The following PCSK6 variants were observed in gnomAD, a reference collection of about 807,000 sequenced individuals.
PCSK6 encodes the protein paired basic amino acid cleaving enzyme 4.
In PCSK6, 85 loss-of-function variants were observed where a neutral mutation model predicts 123.3. That is an observed-to-expected ratio of 0.69 (90% confidence interval 0.58 to 0.83). The LOEUF (loss-of-function observed/expected upper bound fraction) is 0.83. Ranked by LOEUF, PCSK6 falls within the 40% of genes least tolerant of loss-of-function variation. The pLI, the probability that PCSK6 is intolerant of heterozygous loss-of-function variation, is 0.00. For synonymous variants in PCSK6, 508 were observed against 516.0 expected (o/e 0.98, Z 0.21); for missense variants, 1,191 against 1,282.3 (o/e 0.93, Z 1.09).
At chr15:101,333,741 C>T (rs2040416090) in intron 13 of PCSK6, among the ~76,000 whole-genome samples, 1 of 150,686 alleles carries the variant, frequency 6.6e-6, no homozygotes, top group African/African-American at 2.4e-5. Flanking sequence ...AACAGGAGCT[C>T]CTGCTCATCC....
intron 13 of PCSK6, chr15:101,365,981 GA>G: frequency 2.3e-6 from 1 of 434,000 alleles, no homozygotes; most frequent in Admixed American, 4.3e-5. Flanking sequence ...TCTGGAATTA[GA>G]TAGTGCTGAC....
intron 11 of PCSK6, among the ~76,000 whole-genome samples, chr15:101,380,978 G>A (rs771469512): frequency 7.2e-5 from 11 of 152,116 alleles, no homozygotes; most frequent in African/African-American, 9.6e-5. Context: ...AAACAGCTGC[G>A]ATGGCAGAAT....
At position 101,305,452 on chromosome 15, in the gene PCSK6, A is replaced by G. The variant is rs1453244349; in HGVS notation, c.2813-97T>C. On this transcript the variant is annotated intron_variant, in intron 21 of 21. Coordinates refer to ENST00000611716, the MANE Select transcript of PCSK6 (RefSeq NM_002570.5). The surrounding 1 kb of genome is among the most constrained non-coding windows in gnomAD (Gnocchi z 4.8). ...GCCGGGCGCGGTGCCTCATGCCTGT[A>G]ATCCCAGCACTTTGGGAGGCCGAGG... The G allele has an allele frequency of 1.0e-6, 1 of 986,654 alleles. No individual in the cohort carries two copies. The highest frequency in any genetic ancestry group is 1.5e-6 in the Non-Finnish European group (1 of 647,352). 61.1% of individuals were successfully genotyped at this position (986,654 alleles called of 1,614,324 possible).
chr15:101,429,873 G>A (rs1286472984), intron 5 of PCSK6, 114 bp downstream of exon 5: 2 of 889,052 alleles, frequency 2.2e-6, no homozygotes, highest in South Asian at 1.5e-5. Context: ...CTCGCGCCCA[G>A]GCAGGGAAGA....
chr15:101,415,198 A>T (rs776778892), intron 6 of PCSK6, among the ~76,000 whole-genome samples: 2 of 152,236 alleles, frequency 1.3e-5, no homozygotes, highest in Non-Finnish European at 2.9e-5. Context: ...CAGGTAGACA[A>T]AAAGTAAGAA....
Position 101,489,613 on chromosome 15 carries a change from C to A in PCSK6, c.58G>T (p.Ala20Ser). The A allele has an allele frequency of 1.0e-6, 1 of 973,000 alleles. No individual in the cohort carries two copies. The highest frequency in any genetic ancestry group is 1.2e-6 in the Non-Finnish European group (1 of 823,488). The allele number at this position is 973,000 out of a possible 1,614,324, so 60.3% of individuals were successfully genotyped here. Reference sequence around the variant, plus strand: ...CCCGCGCCCGCGGCGGTGTCGGTGGCGGCGGCGGCCCGGGGCGGCGGCCGG... The same window carrying A: ...CCCGCGCCCGCGGCGGTGTCGGTGGAGGCGGCGGCCCGGGGCGGCGGCCGG... ...GPRPPPRAAA[A>S]TDTAAGAGGA... The change falls in exon 1 of 22, where the codon GCC (alanine) becomes TCC (serine). Residue 20 changes from alanine (A) to serine (S), a missense_variant. Ala to Ser is a moderately conservative substitution (Grantham distance 99). Coordinates refer to ENST00000611716, the MANE Select transcript of PCSK6 (RefSeq NM_002570.5).
chr15:101,342,855 T>C (rs922709930), intron 13 of PCSK6, among the ~76,000 whole-genome samples: 1 of 152,090 alleles, frequency 6.6e-6, no homozygotes, highest in African/African-American at 2.4e-5. Flanking sequence ...TGGGCTGAGA[T>C]TGCACCACTG....
chr15:101,312,573 G>A (rs959415086), intron 20 of PCSK6, among the ~76,000 whole-genome samples: 4 of 152,196 alleles, frequency 2.6e-5, no homozygotes, highest in South Asian at 2.1e-4. Flanking sequence ...GCTCACACCC[G>A]TAATCCCAGC....
intron 13 of PCSK6, among the ~76,000 whole-genome samples, chr15:101,360,614 G>C (rs1413144623): frequency 9.1e-6 from 1 of 109,558 alleles, no homozygotes; most frequent in Non-Finnish European, 1.7e-5. Context: ...GAACACACCA[G>C]GCACACTCCT....
chr15:101,402,062 C>G (rs997803881), intron 6 of PCSK6, among the ~76,000 whole-genome samples: 3 of 151,294 alleles, frequency 2.0e-5, no homozygotes, highest in Non-Finnish European at 2.9e-5. Flanking sequence ...GTACTGGTAC[C>G]AAAACAGAGA....
chr15:101,415,798 G>A (rs947381130), intron 6 of PCSK6, among the ~76,000 whole-genome samples: 6 of 152,146 alleles, frequency 3.9e-5, no homozygotes, highest in African/African-American at 7.2e-5. Context: ...GGTTTATCAC[G>A]GGTTTCTGCT....
chr15:101,343,212 TGC>T (rs1327577531), intron 13 of PCSK6, among the ~76,000 whole-genome samples: 3 of 145,652 alleles, frequency 2.1e-5, no homozygotes, highest in African/African-American at 7.5e-5. Context: ...TCTATAATCA[TGC>T]GTTTTTCTTT....
In PCSK6 at chr15:101,467,632, A is replaced by G. The variant is rs73485003; in HGVS notation, c.297+21742T>C. On this transcript the variant is annotated intron_variant, in intron 1 of 21. Transcript: ENST00000611716. ...CAGGAGAATGGACAGATACATTGAG[A>G]TGTGCTGGCCAAAAAACACGGTAGT... Among the ~76,000 whole-genome samples the G allele has an allele frequency of 3.5e-3, 531 of 152,346 alleles. 6 individuals are homozygous for G. Among genetic ancestry groups the G allele is most frequent in the African/African-American group, 0.012 (481 of 41,578 alleles).
chr15:101,351,562 G>C (rs2040891228), intron 13 of PCSK6, among the ~76,000 whole-genome samples: 1 of 152,190 alleles, frequency 6.6e-6, no homozygotes, highest in Admixed American at 6.5e-5. Flanking sequence ...CAGTCTCTGA[G>C]AATCAACTGG....
At chr15:101,357,982 C>A (rs1292128970) in intron 13 of PCSK6, among the ~76,000 whole-genome samples, 1 of 152,216 alleles carries the variant, frequency 6.6e-6, no homozygotes, top group Middle Eastern at 3.2e-3. Context: ...CTCTGCTCTG[C>A]ACTCATGGAA....
At chr15:101,323,303 C>T (rs900675164) in intron 17 of PCSK6, among the ~76,000 whole-genome samples, 13 of 152,312 alleles carry the variant, frequency 8.5e-5, no homozygotes, top group African/African-American at 2.2e-4. Context: ...TGAAGAAGGG[C>T]GGCCAACTGT....
chr15:101,426,005 C>A (rs780082009), intron 6 of PCSK6, among the ~76,000 whole-genome samples: 1 of 152,146 alleles, frequency 6.6e-6, no homozygotes, highest in Non-Finnish European at 1.5e-5. Context: ...ACCCTGACTC[C>A]GTAGGCCTGG....
chr15:101,319,128 C>T (rs2040059227), intron 18 of PCSK6, among the ~76,000 whole-genome samples: 1 of 152,234 alleles, frequency 6.6e-6, no homozygotes, highest in Non-Finnish European at 1.5e-5. Context: ...CATCTGTTTC[C>T]CTTCCTGTTA....
At chr15:101,464,891 C>G (rs1249062158) in intron 1 of PCSK6, among the ~76,000 whole-genome samples, 3 of 152,148 alleles carry the variant, frequency 2.0e-5, no homozygotes, top group Non-Finnish European at 4.4e-5. Flanking sequence ...ACGGGAACTG[C>G]GGGATCCTGG....
Sources: allele counts gnomAD v4.1 joint callset (sites outside exome capture counted in the v4.1 genomes callset), GRCh38; gene constraint gnomAD v4.1.1; non-coding constraint Gnocchi (gnomAD v3.1); transcripts MANE v1.5; gene names NCBI Gene and HGNC (gene_info 2026-07-23, HGNC 2026-07-21).